VAPA: variants seen among roughly 807,000 people sequenced by gnomAD.
VAPA encodes the protein VAMP associated protein A, also known as vesicle-associated membrane protein-associated protein A.
VAPA carries 6 observed loss-of-function variants against 25.6 expected under a neutral mutation model. That is an observed-to-expected ratio of 0.23 (90% CI 0.13 to 0.46). VAPA has a LOEUF of 0.46. Among genes scored for constraint, VAPA ranks in the 20% least tolerant of loss-of-function variants. The pLI is 0.99. For synonymous variants in VAPA, 112 were observed against 106.2 expected (o/e 1.05, Z -0.34); for missense variants, 244 against 302.1 (o/e 0.81, Z 1.43).
chr18:9,953,218 C>G (rs1288234744), intron 5 of VAPA, among the ~76,000 whole-genome samples: 1 of 152,196 alleles, frequency 6.6e-6, no homozygotes, highest in Admixed American at 6.5e-5. Context: ...GCCATATCAG[C>G]AAGAATGAAG....
At chr18:9,943,374 C>T (rs2143397440) in intron 4 of VAPA, among the ~76,000 whole-genome samples, 1 of 151,746 alleles carries the variant, frequency 6.6e-6, no homozygotes, top group Middle Eastern at 3.4e-3. Flanking sequence ...TCCTGGATAA[C>T]AAGCATAAGC....
rs534843236 is a variant in VAPA, at chr18:9,943,646, T to A, written c.417+6580T>A. On this transcript the variant is annotated intron_variant, in intron 4 of 5. Coordinates refer to ENST00000400000, the MANE Select transcript of VAPA (RefSeq NM_194434.3). ...TTGTCAGCTCTGTATATACGTAATG[T>A]CCAATTAGTGGTAGTGGTTATTTTT... is the stretch of plus-strand genomic sequence containing the variant. 4.6e-5 allele frequency among the ~76,000 whole-genome samples: 7 copies of A among 152,276 alleles called. No individual in the cohort carries two copies. In the South Asian group the frequency reaches 1.4e-3, roughly 32 times the overall value.
At chr18:9,937,345 A>T (rs1311961242) in intron 4 of VAPA, among the ~76,000 whole-genome samples, 1 of 151,730 alleles carries the variant, frequency 6.6e-6, no homozygotes, top group Admixed American at 6.6e-5. Context: ...GACGTAAACC[A>T]CTGCAGGTTC....
At chr18:9,954,027 C>T (rs1382886953) in intron 5 of VAPA, 26 bp from the exon 6 acceptor site, 25 of 1,612,132 alleles carry the variant, frequency 1.6e-5, no homozygotes, top group Non-Finnish European at 2.1e-5. Flanking sequence ...TTTTAAAAAC[C>T]TTTTGTGTGT....
At chr18:9,918,861 A>G (rs922005243) in intron 1 of VAPA, among the ~76,000 whole-genome samples, 1 of 152,320 alleles carries the variant, frequency 6.6e-6, no homozygotes, top group Non-Finnish European at 1.5e-5. Flanking sequence ...AAATATCTCA[A>G]AATTTTTACT....
At chr18:9,914,395 G>T (rs945585346) in intron 1 of VAPA, 60 bp downstream of exon 1, 63 of 1,450,536 alleles carry the variant, frequency 4.3e-5, no homozygotes, top group Non-Finnish European at 4.9e-5. Flanking sequence ...GGCTGTCGGC[G>T]GGGGGGCGCG....
chr18:9,951,299 T>A (rs1196304195), intron 5 of VAPA: 1 of 152,222 alleles, frequency 6.6e-6, no homozygotes, highest in Non-Finnish European at 1.5e-5. Context: ...ACACAGCACA[T>A]ACACACATTG....
chr18:9,918,240 T>C (rs1310271518), intron 1 of VAPA, among the ~76,000 whole-genome samples: 1 of 152,224 alleles, frequency 6.6e-6, no homozygotes, highest in African/African-American at 2.4e-5. Flanking sequence ...TTTTAACATA[T>C]AAATACACCA....
intron 1 of VAPA, among the ~76,000 whole-genome samples, chr18:9,917,673 G>T (rs184267303): frequency 9.5e-4 from 144 of 152,234 alleles, no homozygotes; most frequent in Middle Eastern, 3.4e-3. Context: ...AGAGAGAGAC[G>T]AAAATAAACC....
chr18:9,916,028 T>A (rs550599986), intron 1 of VAPA, among the ~76,000 whole-genome samples: 36 of 152,216 alleles, frequency 2.4e-4, no homozygotes, highest in Non-Finnish European at 4.6e-4. Flanking sequence ...TGGCTGTGTT[T>A]ACAGTGAACA....
At chr18:9,936,582 A>AG in intron 3 of VAPA, 1 of 200,744 alleles carries the variant, frequency 5.0e-6, no homozygotes. Context: ...AACAAAAAAA[A>AG]CCACCACAAC....
chr18:9,915,518 T>C lies in VAPA; in HGVS notation c.79+1183T>C, dbSNP rs190326307. Among the ~76,000 whole-genome samples, 500 of 152,040 alleles carry C rather than the reference T, an allele frequency of 3.3e-3. 1 individual carries two copies. The highest frequency in any genetic ancestry group is 5.2e-3 in the Non-Finnish European group (354 of 67,934). Reference sequence around the variant, plus strand: ...AAAGTAGGTTCCTTCCTATCTTTAGTTAAGTGTAAAGTGAGTCCCGTTTTG... The same window carrying C: ...AAAGTAGGTTCCTTCCTATCTTTAGCTAAGTGTAAAGTGAGTCCCGTTTTG... On this transcript the variant is annotated intron_variant, in intron 1 of 5. Transcript: ENST00000400000.
At position 9,958,623 on chromosome 18, in the gene VAPA, G is replaced by C. The variant is rs2069575306; in HGVS notation, c.*4412G>C. The C allele has an allele frequency of 6.6e-6, 1 of 151,988 alleles. No homozygotes were observed. The highest frequency in any genetic ancestry group is 6.6e-5 in the Admixed American group (1 of 15,262). 9.4% of individuals were successfully genotyped at this position (151,988 alleles called of 1,614,324 possible). A position where few individuals can be genotyped will look rare whatever the true frequency, so the allele number is the denominator to read the frequency against. The stretch of plus-strand genomic sequence containing the variant: ...TTTTTCAAGCTCCAATCATCGGCCA[G>C]ACAGTTGCTTTATGTAGGTTTTTAA... On this transcript the variant is annotated 3_prime_UTR_variant, in exon 6 of 6. Transcript: ENST00000400000.
rs945595215 is a variant in VAPA at position 9,914,226 on chromosome 18, G to C, written c.-31G>C. 12 of 1,560,852 alleles carry C rather than the reference G, an allele frequency of 7.7e-6. No homozygotes were observed. In the Admixed American group the frequency reaches 2.2e-4, roughly 28 times the overall value. ...CCCCCAGTCAGCAAACCGCCGCCGC[G>C]GGCGCGCCCCCGCTCTGCGCTGTCT... On this transcript the variant is annotated 5_prime_UTR_variant, in exon 1 of 6. Transcript: ENST00000400000.
intron 4 of VAPA, among the ~76,000 whole-genome samples, chr18:9,943,833 A>G (rs1426271014): frequency 5.0e-5 from 6 of 118,990 alleles, no homozygotes; most frequent in African/African-American, 1.2e-4. Context: ...TGAAGGTGAC[A>G]TATTTCCCTT....
rs1004510126 is a variant in VAPA at position 9,958,412 on chromosome 18, A to G, written c.*4201A>G. On this transcript the variant is annotated 3_prime_UTR_variant, in exon 6 of 6. Transcript: ENST00000400000. Reference sequence around the variant, plus strand: ...TCTTGTTTTCCAGTTGTTGCTATGTATAACACCCATCTTGAAAGAGAGTAT... The same window carrying G: ...TCTTGTTTTCCAGTTGTTGCTATGTGTAACACCCATCTTGAAAGAGAGTAT... The G allele has an allele frequency of 6.6e-6, 1 of 152,232 alleles. No individual in the cohort carries two copies. Among genetic ancestry groups the G allele is most frequent in the South Asian group, 2.1e-4 (1 of 4,836 alleles). The allele number at this position is 152,232 out of a possible 1,614,324, so 9.4% of individuals were successfully genotyped here.
intron 1 of VAPA, among the ~76,000 whole-genome samples, chr18:9,930,453 A>G (rs2069242386): frequency 6.6e-6 from 1 of 152,132 alleles, no homozygotes. Flanking sequence ...TCAGTTCAAA[A>G]CGTATCTCCA....
chr18:9,954,089 G>T lies in VAPA; in HGVS notation c.628G>T (p.Asp210Tyr). ...AAGGCTCAGAAAGGTAGCACATTCG[G>T]ATAAACCTGGATCAACCTCAACTGC... ...GLRLRKVAHS[D>Y]KPGSTSTASF... The change falls in exon 6 of 6, where the codon GAT (aspartate) becomes TAT (tyrosine). Residue 210 changes from aspartate (D) to tyrosine (Y), a missense_variant. Around this residue, in one of 2 missense-constraint regions of VAPA, gnomAD observed 145 missense variants for 140.6 expected, o/e 1.03. Coordinates refer to ENST00000400000, the MANE Select transcript of VAPA (RefSeq NM_194434.3). 1 of 1,614,080 alleles carries T rather than the reference G, an allele frequency of 6.2e-7. No individual in the cohort carries two copies. Among genetic ancestry groups the T allele is most frequent in the Non-Finnish European group, 8.5e-7 (1 of 1,180,000 alleles).
At chr18:9,944,968 C>A in intron 4 of VAPA, 1 of 1,614,160 alleles carries the variant, frequency 6.2e-7, no homozygotes, top group Non-Finnish European at 8.5e-7. Flanking sequence ...CTTCAATGAG[C>A]AGCATCAACA....
Sources: gnomAD v4.1 joint callset for allele counts (sites outside exome capture counted in the v4.1 genomes callset) on GRCh38, gnomAD v4.1.1 for gene constraint, gnomAD v4.1.1 regional missense constraint, MANE v1.5 for transcripts, NCBI Gene and HGNC (gene_info 2026-07-23, HGNC 2026-07-21) for gene names.